Variants in DDX1 observed in about 807,000 individuals in gnomAD.
The protein encoded by DDX1 is DEAD-box helicase 1.
A neutral mutation model predicts 108.7 loss-of-function variants in DDX1; 28 were observed. That is an observed-to-expected ratio of 0.26 (90% confidence interval 0.19 to 0.35). DDX1 has a LOEUF of 0.35. DDX1 is among the 10% of genes least tolerant of loss of function. The pLI is 1.00. For missense variants in DDX1, 710 were observed against 884.5 expected (o/e 0.80, Z 2.50); for synonymous variants, 295 against 288.9 (o/e 1.02, Z -0.21).
chr2:15,619,272 C>T (rs1297115736), intron 16 of DDX1, among the ~76,000 whole-genome samples: 1 of 152,260 alleles, frequency 6.6e-6, no homozygotes, highest in Non-Finnish European at 1.5e-5. Flanking sequence ...ACTCTAGAGA[C>T]TGTCCGCCTC....
intron 13 of DDX1, among the ~76,000 whole-genome samples, chr2:15,609,828 T>G (rs542304408): frequency 4.6e-5 from 7 of 152,208 alleles, no homozygotes; most frequent in Non-Finnish European, 8.8e-5. Flanking sequence ...AATGTATTGG[T>G]TCCCTCCCCT....
In DDX1 at chr2:15,630,785, A is replaced by G; in HGVS notation, c.2102A>G (p.Tyr701Cys). ...TTTGTGTGTGATGCAGGTGGAAGCTATAAAGGCCATGTGGATATTTTGGCA... is the reference window on the plus strand; with the variant it reads ...TTTGTGTGTGATGCAGGTGGAAGCTGTAAAGGCCATGTGGATATTTTGGCA... ...GQKRAAGGGS[Y>C]KGHVDILAPT... Residue 701 changes from tyrosine to cysteine, a missense_variant, in exon 26 of 26, where the codon TAT (tyrosine) becomes TGT (cysteine). Around this residue, in one of 3 missense-constraint regions of DDX1, gnomAD observed 661 missense variants for 810.2 expected, o/e 0.82. Transcript: ENST00000233084. 2 of 1,613,592 alleles carry G rather than the reference A, an allele frequency of 1.2e-6. No individual in the cohort carries two copies. Among genetic ancestry groups the G allele is most frequent in the Non-Finnish European group, 1.7e-6 (2 of 1,179,608 alleles).
intron 15 of DDX1, among the ~76,000 whole-genome samples, chr2:15,617,908 T>C (rs1396666695): frequency 2.6e-5 from 4 of 152,228 alleles, no homozygotes; most frequent in Admixed American, 6.5e-5. Flanking sequence ...TGTTAGAAGC[T>C]GTTGACTGAA....
At chr2:15,616,983 T>C (rs1223841394) in intron 14 of DDX1, among the ~76,000 whole-genome samples, 2 of 152,148 alleles carry the variant, frequency 1.3e-5, no homozygotes, top group African/African-American at 4.8e-5. Context: ...GCTTGGAAAA[T>C]ATAAATTTTA....
Position 15,603,177 on chromosome 2 carries a change from A to G in DDX1, c.392-15A>G, listed in dbSNP as rs370261231. ...GTGTGATTTATATAAATCTCAATGT[A>G]TTTTACCCTTGTAGGGAAACACTAC... On this transcript the variant is annotated splice_polypyrimidine_tract_variant and intron_variant, in intron 7 of 25. Coordinates refer to ENST00000233084, the MANE Select transcript of DDX1 (RefSeq NM_004939.3). The G allele has an allele frequency of 1.4e-5, 22 of 1,560,964 alleles. No homozygotes were observed. In the African/African-American group the frequency reaches 3.0e-4, roughly 21 times the overall value.
chr2:15,621,040 T>G, intron 17 of DDX1, 25 bp from the exon 18 acceptor site: 1 of 1,528,442 alleles, frequency 6.5e-7, no homozygotes. Context: ...TCCTCTATCC[T>G]GTTTTTATTC....
At chr2:15,621,266 A>G (rs1353356108) in intron 18 of DDX1, 150 bp downstream of exon 18, 1 of 633,898 alleles carries the variant, frequency 1.6e-6, no homozygotes, top group African/African-American at 1.9e-5. Flanking sequence ...AAATGGGGAA[A>G]AGCTGATACT....
chr2:15,602,690 G>C lies in DDX1; in HGVS notation c.391+59G>C, dbSNP rs896524645. ...TTGAGGCAAGGTATTAATACGTGAG[G>C]GTTTTTTTGTTGTTGTTTGTTTGTT... is the stretch of plus-strand genomic sequence containing the variant. On this transcript the variant is annotated intron_variant, in intron 7 of 25. Transcript: ENST00000233084. 1.9e-5 allele frequency: 24 copies of C among 1,286,440 alleles called. No homozygotes were observed. In the African/African-American group the frequency reaches 3.2e-4, roughly 17 times the overall value. 79.7% of individuals were successfully genotyped at this position (1,286,440 alleles called of 1,614,324 possible).
chr2:15,619,516 T>C (rs1665955843), intron 16 of DDX1, among the ~76,000 whole-genome samples: 1 of 152,232 alleles, frequency 6.6e-6, no homozygotes, highest in Non-Finnish European at 1.5e-5. Context: ...GCCAGCTTGA[T>C]GGCAGCAGCT....
At chr2:15,611,802 TC>T (rs2148743420) in intron 13 of DDX1, among the ~76,000 whole-genome samples, 1 of 86,474 alleles carries the variant, frequency 1.2e-5, no homozygotes, top group Non-Finnish European at 2.2e-5. Context: ...CCCCCCCACC[TC>T]CCTCCCGGAC....
intron 14 of DDX1, 150 bp downstream of exon 14, chr2:15,613,434 C>G (rs948501652): frequency 2.0e-6 from 1 of 496,420 alleles, no homozygotes; most frequent in Non-Finnish European, 3.6e-6. Context: ...TGCAAGTGCG[C>G]CTTTTCTTCT....
intron 23 of DDX1, 31 bp from the exon 24 acceptor site, chr2:15,629,571 C>A: frequency 6.9e-7 from 1 of 1,455,246 alleles, no homozygotes; most frequent in Non-Finnish European, 9.5e-7. Context: ...TATCTCCATG[C>A]ATGTTAATAT....
At position 15,597,411 on chromosome 2, in the gene DDX1, ACT is replaced by A; in HGVS notation, c.202_203del (p.Leu68GlufsTer14). ...SIPVIQIVYE[T>X]LKDQQEGKKG... ...TCCAGTTATCCAGATAGTTTATGAAACTCTGAAAGACCAACAGGAAGGCAAAA... is the reference window on the plus strand; with the variant it reads ...TCCAGTTATCCAGATAGTTTATGAAACTGAAAGACCAACAGGAAGGCAAAA... On this transcript the variant is annotated frameshift_variant, in exon 5 of 26. Coordinates refer to ENST00000233084, the MANE Select transcript of DDX1 (RefSeq NM_004939.3). LOFTEE classifies it high-confidence loss of function. 1 of 1,609,210 alleles carries A rather than the reference ACT, an allele frequency of 6.2e-7. No homozygotes were observed. The highest frequency in any genetic ancestry group is 8.5e-7 in the Non-Finnish European group (1 of 1,178,376).
At chr2:15,623,413 TTG>T in intron 18 of DDX1, 21 bp from the exon 19 acceptor site, 1 of 1,611,132 alleles carries the variant, frequency 6.2e-7, no homozygotes, top group Non-Finnish European at 8.5e-7. Context: ...CTGTTGGTTT[TTG>T]TTGTTGTTAT....
intron 25 of DDX1, 128 bp from the exon 26 acceptor site, chr2:15,630,648 T>G: frequency 1.2e-6 from 1 of 869,156 alleles, no homozygotes; most frequent in Non-Finnish European, 1.8e-6. Flanking sequence ...GTTCTGGAGA[T>G]AACTTGCCCA....
At chr2:15,596,808 T>C (rs1238796615) in intron 4 of DDX1, 45 bp downstream of exon 4, 1 of 1,469,080 alleles carries the variant, frequency 6.8e-7, no homozygotes, top group East Asian at 2.3e-5. Context: ...AGTTGAATTT[T>C]AAAATAACTT....
intron 13 of DDX1, among the ~76,000 whole-genome samples, chr2:15,611,083 ACT>A (rs1665745129): frequency 2.0e-5 from 3 of 149,256 alleles, no homozygotes; most frequent in East Asian, 3.9e-4. Flanking sequence ...AGTGGTGATG[ACT>A]CTTAACGAGC....
At chr2:15,598,486 GAGA>G (rs1665536394) in intron 5 of DDX1, among the ~76,000 whole-genome samples, 4 of 152,130 alleles carry the variant, frequency 2.6e-5, no homozygotes, top group Admixed American at 2.0e-4. Flanking sequence ...TTTAAACATG[GAGA>G]AGAAGTAAAA....
chr2:15,612,073 G>A (rs1665776684), intron 13 of DDX1, among the ~76,000 whole-genome samples: 1 of 1,336 alleles, frequency 7.5e-4, no homozygotes. Flanking sequence ...CGGAGGGGGC[G>A]GCTGGCTGGC....
Sources: gnomAD v4.1 joint callset for allele counts (sites outside exome capture counted in the v4.1 genomes callset) on GRCh38, gnomAD v4.1.1 for gene constraint, gnomAD v4.1.1 regional missense constraint, MANE v1.5 for transcripts, NCBI Gene and HGNC (gene_info 2026-07-23, HGNC 2026-07-21) for gene names.